The following DEPDC1B variants were observed in gnomAD, a reference collection of about 807,000 sequenced individuals.
The protein encoded by DEPDC1B is DEP domain containing 1B, also known as DEP domain-containing protein 1B.
DEPDC1B carries 51 observed loss-of-function variants against 66.5 expected under a neutral mutation model. The ratio of observed to expected loss-of-function variants is 0.77; its 90% CI spans 0.61 to 0.97. The LOEUF (loss-of-function observed/expected upper bound fraction) is 0.97. Ranked by LOEUF, DEPDC1B falls within the 50% of genes least tolerant of loss-of-function variation. The pLI, the probability that DEPDC1B is intolerant of heterozygous loss-of-function variation, is 0.00. For missense variants in DEPDC1B, 552 were observed against 637.1 expected, an observed-to-expected ratio of 0.87 and a Z score of 1.44; for synonymous variants, 226 against 223.6, an observed-to-expected ratio of 1.01 and a Z score of -0.10.
At chr5:60,668,204 AT>A in intron 2 of DEPDC1B, among the ~76,000 whole-genome samples, 1 of 58,806 alleles carries the variant, frequency 1.7e-5, no homozygotes, top group South Asian at 4.3e-4. Flanking sequence ...TAAAATGGAT[AT>A]TTTATATATA....
intron 7 of DEPDC1B, among the ~76,000 whole-genome samples, chr5:60,610,955 T>C (rs905317708): frequency 6.6e-6 from 1 of 152,216 alleles, no homozygotes; most frequent in Non-Finnish European, 1.5e-5. Flanking sequence ...GAAGTCTTTA[T>C]TGGAGTCACC....
intron 1 of DEPDC1B, among the ~76,000 whole-genome samples, chr5:60,693,002 G>C (rs1754580696): frequency 6.6e-6 from 1 of 152,094 alleles, no homozygotes; most frequent in African/African-American, 2.4e-5. Flanking sequence ...GGGACCAAGT[G>C]GGGGAAAGGA....
chr5:60,635,821 T>C (rs990462181), intron 7 of DEPDC1B, among the ~76,000 whole-genome samples: 2 of 152,206 alleles, frequency 1.3e-5, no homozygotes, highest in African/African-American at 4.8e-5. Flanking sequence ...GAATCTCCCA[T>C]TTCTTAAGGA....
intron 7 of DEPDC1B, chr5:60,628,111 A>C (rs1752842382): frequency 6.6e-6 from 1 of 152,232 alleles, no homozygotes; most frequent in Non-Finnish European, 1.5e-5. Flanking sequence ...TAAGTGAATA[A>C]ATAATTTAAC....
chr5:60,644,667 G>T, intron 5 of DEPDC1B, 78 bp downstream of exon 5: 1 of 1,223,090 alleles, frequency 8.2e-7, no homozygotes, highest in South Asian at 1.9e-5. Context: ...GTTTAGGGAA[G>T]GGTCAGAAAG....
chr5:60,617,942 T>C (rs9654364), intron 7 of DEPDC1B, among the ~76,000 whole-genome samples: 20,825 of 152,200 alleles, frequency 0.14, 2,526 homozygotes, highest in African/African-American at 0.33. Context: ...GACTGTCTCT[T>C]AGACCACAGT....
At chr5:60,647,151 G>A (rs897363556) in intron 3 of DEPDC1B, among the ~76,000 whole-genome samples, 4 of 150,420 alleles carry the variant, frequency 2.7e-5, no homozygotes, top group Admixed American at 2.6e-4. Context: ...ACCCATCGCT[G>A]GTGCCAAAAA....
At chr5:60,600,430 C>T (rs1470005923) in intron 9 of DEPDC1B, among the ~76,000 whole-genome samples, 2 of 152,130 alleles carry the variant, frequency 1.3e-5, no homozygotes, top group African/African-American at 4.8e-5. Flanking sequence ...AATAATGTAT[C>T]CCAGGGTCAG....
intron 7 of DEPDC1B, among the ~76,000 whole-genome samples, chr5:60,615,692 C>A (rs913232284): frequency 2.0e-5 from 3 of 152,204 alleles, no homozygotes; most frequent in Non-Finnish European, 4.4e-5. Flanking sequence ...GGCCTGCCTG[C>A]CTCTGTAGAC....
At chr5:60,611,316 C>G (rs1373998155) in intron 7 of DEPDC1B, among the ~76,000 whole-genome samples, 1 of 152,196 alleles carries the variant, frequency 6.6e-6, no homozygotes, top group Non-Finnish European at 1.5e-5. Context: ...GGTGGTTCCC[C>G]TGTCTCTCTC....
chr5:60,612,498 A>C (rs1245209814), intron 7 of DEPDC1B, among the ~76,000 whole-genome samples: 1 of 149,672 alleles, frequency 6.7e-6, no homozygotes, highest in Non-Finnish European at 1.5e-5. Context: ...TGGTTTAGTG[A>C]AGATTTTAAG....
chr5:60,654,697 C>A (rs1375534130), intron 2 of DEPDC1B, among the ~76,000 whole-genome samples: 1 of 148,748 alleles, frequency 6.7e-6, no homozygotes, highest in East Asian at 2.1e-4. Flanking sequence ...GCATCCTTGT[C>A]TTTTTCCAGT....
chr5:60,693,146 A>T (rs1368061914), intron 1 of DEPDC1B, among the ~76,000 whole-genome samples: 1 of 152,142 alleles, frequency 6.6e-6, no homozygotes, highest in African/African-American at 2.4e-5. Flanking sequence ...TTTTCTGTAC[A>T]TTATGCCTAA....
At chr5:60,613,836 A>ATACAT (rs374958778) in intron 7 of DEPDC1B, among the ~76,000 whole-genome samples, 7 of 132,284 alleles carry the variant, frequency 5.3e-5, no homozygotes, top group African/African-American at 2.2e-4. Context: ...GTGTATACAT[A>ATACAT]AAAAACAGAT....
At chr5:60,644,935 C>A in intron 4 of DEPDC1B, 60 bp from the exon 5 acceptor site, 1 of 1,306,896 alleles carries the variant, frequency 7.7e-7, no homozygotes, top group South Asian at 1.6e-5. Flanking sequence ...TACTCAAAAA[C>A]CTGGTACTAC....
At position 60,639,587 on chromosome 5, in the gene DEPDC1B, T is replaced by C. The variant is rs924348023; in HGVS notation, c.758-697A>G. Among the ~76,000 whole-genome samples the C allele has an allele frequency of 6.6e-5, 10 of 152,172 alleles. 1 individual carries two copies. Among genetic ancestry groups the C allele is most frequent in the Admixed American group, 6.5e-4 (10 of 15,280 alleles). ...CCACTGAAACCCTGAAACAGCCTGC[T>C]CCCAACCATATCCTACTCCATCAAC... On this transcript the variant is annotated intron_variant, in intron 6 of 10. Transcript: ENST00000265036.
In DEPDC1B at chr5:60,642,013, C is replaced by G. The variant is rs76519459; in HGVS notation, c.757+799G>C. On this transcript the variant is annotated intron_variant, in intron 6 of 10. Transcript: ENST00000265036. ...TACTACTAAGATTCCCCACATTAAG[C>G]TTAAGAGTTATTTTAGTTTCATTCT... Among the ~76,000 whole-genome samples, 79 of 152,218 alleles carry G rather than the reference C, an allele frequency of 5.2e-4. 1 individual carries two copies. The East Asian group carries it at 0.013, about 25-fold the overall frequency.
At chr5:60,656,183 C>T (rs1394649634) in intron 2 of DEPDC1B, among the ~76,000 whole-genome samples, 33 of 133,264 alleles carry the variant, frequency 2.5e-4, no homozygotes, top group African/African-American at 8.3e-4. Context: ...TTTTTTGAGA[C>T]GGAGTCTCAC....
chr5:60,609,866 T>A (rs1202181772), intron 7 of DEPDC1B, among the ~76,000 whole-genome samples: 1 of 152,164 alleles, frequency 6.6e-6, no homozygotes, highest in Non-Finnish European at 1.5e-5. Flanking sequence ...GAAAAATTAA[T>A]TCATATCTCC....
Sources: gnomAD v4.1 joint callset for allele counts (sites outside exome capture counted in the v4.1 genomes callset) on GRCh38, gnomAD v4.1.1 for gene constraint, MANE v1.5 for transcripts, NCBI Gene and HGNC (gene_info 2026-07-23, HGNC 2026-07-21) for gene names.